MEP1A: variants seen among roughly 807,000 people sequenced by gnomAD.
MEP1A encodes meprin A subunit alpha, also known as N-benzoyl-L-tyrosyl-P-amino-benzoic acid hydrolase subunit alpha.
A neutral mutation model predicts 84.5 loss-of-function variants in MEP1A; 68 were observed. The observed-to-expected ratio is 0.80, with a 90% confidence interval of 0.66 to 0.98. The LOEUF is 0.98. Ranked by LOEUF, MEP1A falls within the 50% of genes least tolerant of loss-of-function variation. The pLI, the probability that MEP1A is intolerant of heterozygous loss-of-function variation, is 0.00. For synonymous variants in MEP1A, 337 were observed against 336.8 expected, an observed-to-expected ratio of 1.00 and a Z score of -0.01; for missense variants, 887 against 919.9, an observed-to-expected ratio of 0.96 and a Z score of 0.46.
At chr6:46,836,584 AC>A (rs2150758546) in intron 13 of MEP1A, among the ~76,000 whole-genome samples, 1 of 152,342 alleles carries the variant, frequency 6.6e-6, no homozygotes, top group East Asian at 1.9e-4. Context: ...GAACATTGGT[AC>A]AATGCTAGTA....
chr6:46,805,343 A>G (rs1289461995), intron 5 of MEP1A, among the ~76,000 whole-genome samples: 1 of 151,846 alleles, frequency 6.6e-6, no homozygotes, highest in African/African-American at 2.4e-5. Flanking sequence ...AGTTTTAGCC[A>G]TTCTGTTGGG....
At chr6:46,809,586 A>T (rs1349571543) in intron 6 of MEP1A, 49 bp downstream of exon 6, 1 of 1,273,270 alleles carries the variant, frequency 7.9e-7, no homozygotes, top group Non-Finnish European at 1.1e-6. Context: ...TTTGGTTCGT[A>T]AGAAGTATTC....
At chr6:46,818,853 C>T (rs539097965) in intron 6 of MEP1A, among the ~76,000 whole-genome samples, 4 of 152,056 alleles carry the variant, frequency 2.6e-5, no homozygotes, top group South Asian at 2.1e-4. Flanking sequence ...GGGCTAGGTG[C>T]GATGGCTCAC....
rs1768300339 is a variant in MEP1A, at chr6:46,839,744, G to T, written c.*608G>T. On this transcript the variant is annotated 3_prime_UTR_variant, in exon 14 of 14. Coordinates refer to ENST00000230588, the MANE Select transcript of MEP1A (RefSeq NM_005588.3). Reference sequence around the variant, plus strand: ...GCTTTCCTCTGAGATTCTAAGAGAAGGCCTTTAATAAATTTAATAAATATT... The same window carrying T: ...GCTTTCCTCTGAGATTCTAAGAGAATGCCTTTAATAAATTTAATAAATATT... 1 of 152,130 alleles carries T rather than the reference G, an allele frequency of 6.6e-6. No homozygotes were observed. Among genetic ancestry groups the T allele is most frequent in the Non-Finnish European group, 1.5e-5 (1 of 68,028 alleles). The allele number at this position is 152,130 out of a possible 1,614,324, so 9.4% of individuals were successfully genotyped here. A position where few individuals can be genotyped will look rare whatever the true frequency, so the allele number is the denominator to read the frequency against.
At chr6:46,826,551 A>G (rs1182112390) in intron 9 of MEP1A, 48 bp downstream of exon 9, 1 of 1,387,626 alleles carries the variant, frequency 7.2e-7, no homozygotes, top group South Asian at 2.0e-5. Context: ...CACCAGGTTC[A>G]ATTAGGTTAT....
Position 46,824,874 on chromosome 6 carries a change from CTATT to C in MEP1A, c.557-395_557-392del, listed in dbSNP as rs1562113618. Among the ~76,000 whole-genome samples the C allele has an allele frequency of 1.2e-3, 62 of 52,042 alleles. 3 individuals carry two copies. The highest frequency in any genetic ancestry group is 4.2e-3 in the African/African-American group (27 of 6,436). 34.1% of individuals were successfully genotyped at this position (52,042 alleles called of 152,430 possible). ...ATATAAATTATATATTTAAATAGATCTATTTAAATATATATAAATTATATATATA... is the reference window on the plus strand; with the variant it reads ...ATATAAATTATATATTTAAATAGATCTAAATATATATAAATTATATATATA... On this transcript the variant is annotated intron_variant, in intron 7 of 13. Transcript: ENST00000230588.
rs1327880361 is a variant in MEP1A, at chr6:46,822,881, A to C, written c.557-2391A>C. Among the ~76,000 whole-genome samples, 16 of 152,166 alleles carry C rather than the reference A, an allele frequency of 1.1e-4. 1 individual carries two copies. Among genetic ancestry groups the C allele is most frequent in the Admixed American group, 1.0e-3 (16 of 15,268 alleles). On this transcript the variant is annotated intron_variant, in intron 7 of 13. Transcript: ENST00000230588. ...GGTTTTATGGAAAATTAAGTAAAGC[A>C]CATCCAGTGAGTTGAAAGTGCTTTG...
chr6:46,837,781 A>G lies in MEP1A; in HGVS notation c.2085-1199A>G, dbSNP rs1768246575. On this transcript the variant is annotated intron_variant, in intron 13 of 13. Coordinates refer to ENST00000230588, the MANE Select transcript of MEP1A (RefSeq NM_005588.3). ...TTGGAGAGGACTGGGTCAGAAAAAA[A>G]TGAAATAAACTTGCTATTACTCACT... 3.9e-5 allele frequency among the ~76,000 whole-genome samples: 6 copies of G among 152,358 alleles called. No homozygotes were observed. In the South Asian group the frequency reaches 1.2e-3, roughly 32 times the overall value.
At position 46,833,503 on chromosome 6, in the gene MEP1A, T is replaced by C; in HGVS notation, c.1574T>C (p.Met525Thr). The C allele has an allele frequency of 6.2e-7, 1 of 1,614,134 alleles. No homozygotes were observed. Among genetic ancestry groups the C allele is most frequent in the South Asian group, 1.1e-5 (1 of 91,076 alleles). ...GTCCGGAACAGGATGTCCTCAAGCA[T>C]GGTGTTCACTACCTCGAAGTCGCAC... ...PDVRNRMSSS[M>T]VFTTSKSHTS... Residue 525 changes from methionine to threonine, a missense_variant, in exon 11 of 14, where the codon ATG (methionine) becomes ACG (threonine). Physicochemically the swap from Met to Thr is moderately conservative, Grantham distance 81 (BLOSUM62 -1). Coordinates refer to ENST00000230588, the MANE Select transcript of MEP1A (RefSeq NM_005588.3).
At chr6:46,809,913 T>A (rs1767455229) in intron 6 of MEP1A, among the ~76,000 whole-genome samples, 1 of 151,934 alleles carries the variant, frequency 6.6e-6, no homozygotes. Flanking sequence ...CAAATTGTGC[T>A]GCTATAAACA....
At chr6:46,819,271 G>T (rs1484347012) in intron 6 of MEP1A, among the ~76,000 whole-genome samples, 2 of 152,172 alleles carry the variant, frequency 1.3e-5, no homozygotes, top group East Asian at 3.9e-4. Flanking sequence ...GTTATAATAG[G>T]ATTGATTTGC....
chr6:46,811,452 A>C (rs1379391289), intron 6 of MEP1A, among the ~76,000 whole-genome samples: 2 of 151,922 alleles, frequency 1.3e-5, no homozygotes, highest in East Asian at 3.9e-4. Flanking sequence ...ACTGATTTGG[A>C]TGCCCTTTAT....
intron 3 of MEP1A, among the ~76,000 whole-genome samples, chr6:46,793,991 T>C (rs957486490): frequency 1.3e-5 from 2 of 152,178 alleles, no homozygotes; most frequent in Non-Finnish European, 2.9e-5. Context: ...AATTTGTATT[T>C]GGAGGAAAAG....
chr6:46,799,607 T>A (rs1295700504), intron 5 of MEP1A, among the ~76,000 whole-genome samples: 1 of 152,218 alleles, frequency 6.6e-6, no homozygotes, highest in Admixed American at 6.5e-5. Flanking sequence ...GGAAAGTCCA[T>A]ATTTCACATG....
downstream of MEP1A, among the ~76,000 whole-genome samples, chr6:46,843,030 T>C (rs1164659398): frequency 6.6e-6 from 1 of 152,024 alleles, no homozygotes; most frequent in African/African-American, 2.4e-5. Flanking sequence ...GCCTCTTGGA[T>C]TAAAGGTTCA....
intron 4 of MEP1A, 56 bp downstream of exon 4, chr6:46,798,702 G>GTCC: frequency 6.8e-7 from 1 of 1,474,138 alleles, no homozygotes; most frequent in Non-Finnish European, 9.5e-7. Context: ...ACCACTGGGT[G>GTCC]TGAGTCTCTG....
chr6:46,807,839 GGAA>G (rs1767401170), intron 5 of MEP1A, among the ~76,000 whole-genome samples: 1 of 110,842 alleles, frequency 9.0e-6, no homozygotes, highest in Non-Finnish European at 2.2e-5. Context: ...AAGAAAGAAA[GGAA>G]GAAAGGAAAT....
At chr6:46,806,375 C>A (rs1767319082) in intron 5 of MEP1A, among the ~76,000 whole-genome samples, 1 of 152,084 alleles carries the variant, frequency 6.6e-6, no homozygotes, top group African/African-American at 2.4e-5. Context: ...ACTGCATGAT[C>A]ATCTGGAATT....
intron 6 of MEP1A, among the ~76,000 whole-genome samples, chr6:46,810,847 C>T (rs1286595404): frequency 1.3e-5 from 2 of 152,000 alleles, no homozygotes; most frequent in East Asian, 3.9e-4. Context: ...TATACCAGTA[C>T]TTTCCTGTTT....
Sources: gnomAD v4.1 joint callset for allele counts (sites outside exome capture counted in the v4.1 genomes callset) on GRCh38, gnomAD v4.1.1 for gene constraint, MANE v1.5 for transcripts, NCBI Gene and HGNC (gene_info 2026-07-23, HGNC 2026-07-21) for gene names.